The following FUT9 variants were observed in gnomAD, a reference collection of about 807,000 sequenced individuals.
FUT9 encodes the protein 4-galactosyl-N-acetylglucosaminide 3-alpha-L-fucosyltransferase 9.
In FUT9, 15 loss-of-function variants were observed where a neutral mutation model predicts 29.7. The observed-to-expected ratio is 0.51, with a 90% CI of 0.34 to 0.78. The LOEUF (loss-of-function observed/expected upper bound fraction) is 0.78, where lower values mean the gene tolerates loss of function less well. FUT9 is among the 30% of genes least tolerant of loss of function. The pLI is 0.01. For synonymous variants in FUT9, 169 were observed against 153.7 expected (o/e 1.10, Z -0.74); for missense variants, 319 against 425.4 (o/e 0.75, Z 2.20).
At chr6:96,029,505 T>C (rs759524891) in intron 1 of FUT9, among the ~76,000 whole-genome samples, 19 of 151,584 alleles carry the variant, frequency 1.3e-4, no homozygotes, top group Admixed American at 2.0e-4. Context: ...ATGTGAAGTC[T>C]TTGGCATCCT....
intron 2 of FUT9, among the ~76,000 whole-genome samples, chr6:96,120,437 AT>A (rs1321568191): frequency 6.7e-6 from 1 of 148,504 alleles, no homozygotes; most frequent in African/African-American, 2.5e-5. Flanking sequence ...CGCCCAGCTA[AT>A]TTTTTTTTAA....
chr6:96,103,550 G>C (rs750802565), intron 1 of FUT9, among the ~76,000 whole-genome samples: 2 of 152,074 alleles, frequency 1.3e-5, no homozygotes, highest in African/African-American at 2.4e-5. Flanking sequence ...GGCTTTCTCC[G>C]ATGGCTCCAA....
chr6:96,105,912 G>A (rs1229892717), intron 1 of FUT9, among the ~76,000 whole-genome samples: 2 of 152,136 alleles, frequency 1.3e-5, no homozygotes, highest in African/African-American at 2.4e-5. Context: ...TAAGCCATTA[G>A]ATGATTCTTA....
intron 1 of FUT9, among the ~76,000 whole-genome samples, chr6:96,021,869 C>T (rs1770075164): frequency 2.0e-5 from 3 of 151,818 alleles, no homozygotes; most frequent in Admixed American, 2.0e-4. Context: ...CTGAAGGTAC[C>T]TGAATTATAC....
chr6:96,115,148 G>A (rs1348763570), intron 2 of FUT9, among the ~76,000 whole-genome samples: 5 of 152,132 alleles, frequency 3.3e-5, no homozygotes, highest in African/African-American at 1.2e-4. Flanking sequence ...TTTTATAGCA[G>A]TGCTATCTAA....
intron 2 of FUT9, among the ~76,000 whole-genome samples, chr6:96,201,183 C>T (rs956821308): frequency 6.6e-6 from 1 of 151,730 alleles, no homozygotes. Flanking sequence ...TTATGAATTC[C>T]ATTTCTTTAA....
At position 96,146,428 on chromosome 6, in the gene FUT9, CATAAAA is replaced by C. The variant is rs1400407242; in HGVS notation, c.-9+32309_-9+32314del. Among the ~76,000 whole-genome samples, 4 of 152,132 alleles carry C rather than the reference CATAAAA, an allele frequency of 2.6e-5. No individual in the cohort carries two copies. In the East Asian group the frequency reaches 7.7e-4, roughly 29 times the overall value. ...ATTTAAAATGTGGGCCTAATTTAAA[CATAAAA>C]ATAAAAAATGTTCAAACGACAAAGG... On this transcript the variant is annotated intron_variant, in intron 2 of 2. Transcript: ENST00000302103.
chr6:96,035,160 A>G (rs1770328187), intron 1 of FUT9, among the ~76,000 whole-genome samples: 1 of 151,686 alleles, frequency 6.6e-6, no homozygotes, highest in Admixed American at 6.6e-5. Context: ...TCTCCATAAA[A>G]CCAAAATGCA....
chr6:96,018,610 T>A (rs1770019718), intron 1 of FUT9, among the ~76,000 whole-genome samples: 1 of 152,118 alleles, frequency 6.6e-6, no homozygotes, highest in African/African-American at 2.4e-5. Flanking sequence ...ATAATGCTCA[T>A]AATTATATGC....
intron 1 of FUT9, among the ~76,000 whole-genome samples, chr6:96,047,675 C>G (rs912002981): frequency 6.6e-6 from 1 of 152,118 alleles, no homozygotes; most frequent in Non-Finnish European, 1.5e-5. Context: ...TACTCTAGCC[C>G]CTGACACCAC....
chr6:96,113,794 C>A (rs1582240660), intron 1 of FUT9, among the ~76,000 whole-genome samples: 1 of 148,300 alleles, frequency 6.7e-6, no homozygotes, highest in East Asian at 2.0e-4. Flanking sequence ...GCGGTGCTTG[C>A]AGTAAGCCGA....
intron 1 of FUT9, among the ~76,000 whole-genome samples, chr6:96,074,923 C>G (rs1413263709): frequency 6.6e-6 from 1 of 151,882 alleles, no homozygotes; most frequent in Non-Finnish European, 1.5e-5. Context: ...ACTGCAAGCT[C>G]ACGCCACCAT....
chr6:96,157,987 T>A (rs777402844), intron 2 of FUT9, among the ~76,000 whole-genome samples: 28 of 152,196 alleles, frequency 1.8e-4, no homozygotes, highest in Non-Finnish European at 7.4e-5. Context: ...ATATCAATTA[T>A]ATTATCCAGT....
intron 1 of FUT9, among the ~76,000 whole-genome samples, chr6:96,070,505 G>C (rs1771041468): frequency 6.6e-6 from 1 of 151,956 alleles, no homozygotes; most frequent in African/African-American, 2.4e-5. Flanking sequence ...GGGCAACACG[G>C]GGAAACTCCA....
In FUT9 at chr6:96,209,742, T is replaced by C. The variant is rs915219346; in HGVS notation, c.*5507T>C. ...AAAAATATTTTATTTAAAAATAACC[T>C]CTCAAACACCAGTTGCTTTCTGTCA... On this transcript the variant is annotated 3_prime_UTR_variant, in exon 3 of 3. Transcript: ENST00000302103. 20 of 166,814 alleles carry C rather than the reference T, an allele frequency of 1.2e-4. No homozygotes were observed. The highest frequency in any genetic ancestry group is 7.2e-4 in the Admixed American group (11 of 15,224). 10.3% of individuals were successfully genotyped at this position (166,814 alleles called of 1,614,324 possible).
intron 1 of FUT9, among the ~76,000 whole-genome samples, chr6:96,087,117 T>C (rs1230375043): frequency 1.3e-5 from 2 of 152,188 alleles, no homozygotes; most frequent in African/African-American, 4.8e-5. Flanking sequence ...GGTTTTTAGA[T>C]AAAGAAAATG....
At chr6:96,088,355 G>A (rs994947143) in intron 1 of FUT9, among the ~76,000 whole-genome samples, 12 of 152,030 alleles carry the variant, frequency 7.9e-5, no homozygotes, top group African/African-American at 2.2e-4. Flanking sequence ...TGTGCTTGGA[G>A]TTTACTGAAC....
intron 2 of FUT9, among the ~76,000 whole-genome samples, chr6:96,196,318 G>T (rs181547536): frequency 6.6e-6 from 1 of 152,062 alleles, no homozygotes; most frequent in South Asian, 2.1e-4. Context: ...ATTAAGACTC[G>T]AAGACTTAAG....
chr6:96,052,991 C>G (rs1770700135), intron 1 of FUT9, among the ~76,000 whole-genome samples: 1 of 151,336 alleles, frequency 6.6e-6, no homozygotes. Context: ...CAATCACCAT[C>G]CAGCCATGCA....
Sources: allele counts gnomAD v4.1 joint callset (sites outside exome capture counted in the v4.1 genomes callset), GRCh38; gene constraint gnomAD v4.1.1; transcripts MANE v1.5; gene names NCBI Gene and HGNC (gene_info 2026-07-23, HGNC 2026-07-21).